Variants in CHL1 observed in about 807,000 individuals in gnomAD.
CHL1 encodes the protein cell adhesion molecule L1 like.
A neutral mutation model predicts 141.9 loss-of-function variants in CHL1; 96 were observed. The ratio of observed to expected loss-of-function variants is 0.68; its 90% CI spans 0.57 to 0.80. The LOEUF (loss-of-function observed/expected upper bound fraction) is 0.80, where lower values mean the gene tolerates loss of function less well. Ranked by LOEUF, CHL1 falls within the 30% of genes least tolerant of loss-of-function variation. The probability of loss-of-function intolerance (pLI) is 0.00; values close to 1 mark genes in which losing one functional copy is unlikely to be tolerated. For missense variants in CHL1, 1,820 were observed against 1,457.2 expected, an observed-to-expected ratio of 1.25 and a Z score of -4.05; for synonymous variants, 613 against 502.2, an observed-to-expected ratio of 1.22 and a Z score of -2.95.
At chr3:204,428 G>A (rs1012499275) in intron 1 of CHL1, among the ~76,000 whole-genome samples, 3 of 152,326 alleles carry the variant, frequency 2.0e-5, no homozygotes, top group Admixed American at 6.5e-5. Flanking sequence ...GAACAAGGAC[G>A]ATGAAGGAAT....
chr3:339,811 C>T (rs1349805319), intron 5 of CHL1, among the ~76,000 whole-genome samples: 1 of 152,022 alleles, frequency 6.6e-6, no homozygotes, highest in Non-Finnish European at 1.5e-5. Context: ...TTTATATTTC[C>T]AAGAACAATG....
chr3:391,324 T>C (rs1708212364), intron 22 of CHL1, among the ~76,000 whole-genome samples, 165 bp downstream of exon 22: 1 of 152,172 alleles, frequency 6.6e-6, no homozygotes, highest in East Asian at 1.9e-4. Context: ...CAAACCAGCT[T>C]GGCCAACATG....
intron 1 of CHL1, among the ~76,000 whole-genome samples, chr3:214,427 G>A (rs57199434): frequency 0.023 from 3,471 of 152,248 alleles, 126 homozygotes; most frequent in African/African-American, 0.078. Flanking sequence ...TTGTATTCAT[G>A]TAACCTTCCT....
In CHL1 at chr3:370,072, T is replaced by A. The variant is rs531527373; in HGVS notation, c.1751+3957T>A. Among the ~76,000 whole-genome samples, 5 of 152,318 alleles carry A rather than the reference T, an allele frequency of 3.3e-5. No homozygotes were observed. In the East Asian group the frequency reaches 9.6e-4, roughly 29 times the overall value. ...GCCTGAATGTTCCTTTTTTTGTGTG[T>A]CTCTTCCTGGTTTTGGTATCAGGAT... On this transcript the variant is annotated intron_variant, in intron 15 of 27. Transcript: ENST00000256509.
chr3:238,963 C>CTT (rs10676333), intron 1 of CHL1, among the ~76,000 whole-genome samples: 11,571 of 148,880 alleles, frequency 0.078, 493 homozygotes, highest in Middle Eastern at 0.11. Context: ...AACAAAAAAT[C>CTT]TTTTTTTTTT....
At chr3:380,828 T>C (rs1160770620) in intron 16 of CHL1, among the ~76,000 whole-genome samples, 1 of 152,202 alleles carries the variant, frequency 6.6e-6, no homozygotes, top group African/African-American at 2.4e-5. Flanking sequence ...ATTATACACA[T>C]GATTGAAGTA....
intron 4 of CHL1, 69 bp downstream of exon 4, chr3:326,133 C>A (rs1394495618): frequency 1.2e-6 from 1 of 869,516 alleles, no homozygotes; most frequent in Non-Finnish European, 1.8e-6. Flanking sequence ...TTTACTCTTA[C>A]CATCACAAGC....
intron 9 of CHL1, among the ~76,000 whole-genome samples, chr3:348,865 C>G (rs549104413): frequency 6.6e-5 from 10 of 152,280 alleles, no homozygotes; most frequent in South Asian, 4.1e-4. Context: ...CGCAGGAGCC[C>G]CATTCTCCAT....
rs1373936054 is a variant in CHL1 at position 253,648 on chromosome 3, C to A, written c.-95+8956C>A. Among the ~76,000 whole-genome samples the A allele has an allele frequency of 3.9e-5, 6 of 152,172 alleles. No individual in the cohort carries two copies. In the South Asian group the frequency reaches 1.2e-3, roughly 31 times the overall value. On this transcript the variant is annotated intron_variant, in intron 2 of 27. Coordinates refer to ENST00000256509, the MANE Select transcript of CHL1 (RefSeq NM_006614.4). ...TCAAGTTAACATGTATTACTCACAA[C>A]AGTATCTTAATACTTATTTATTTAT...
At chr3:198,916 G>A (rs1443019163) in intron 1 of CHL1, among the ~76,000 whole-genome samples, 5 of 152,232 alleles carry the variant, frequency 3.3e-5, no homozygotes, top group African/African-American at 9.6e-5. Context: ...TGGCTTTTCA[G>A]TATATTGATG....
In CHL1 at chr3:319,795, G is replaced by C. The variant is rs1700418298; in HGVS notation, c.19G>C (p.Gly7Arg). 6.3e-6 allele frequency: 10 copies of C among 1,599,060 alleles called. No homozygotes were observed. The highest frequency in any genetic ancestry group is 1.3e-5 in the African/African-American group (1 of 74,262). MEPLLL[G>R]RGLIVYLMFL... ...AAGAGCAATGGAGCCGCTTTTACTT[G>C]GAAGAGGACTAATCGTATATCTAAT... Residue 7 changes from glycine to arginine, a missense_variant, in exon 3 of 28, where the codon GGA becomes CGA. Gly to Arg is a moderately radical substitution (Grantham distance 125). Coordinates refer to ENST00000256509, the MANE Select transcript of CHL1 (RefSeq NM_006614.4).
intron 2 of CHL1, among the ~76,000 whole-genome samples, chr3:287,965 AC>A (rs1697321834): frequency 6.6e-6 from 1 of 152,004 alleles, no homozygotes; most frequent in South Asian, 2.1e-4. Flanking sequence ...ATGGGGTTTT[AC>A]CCTGTTGGCC....
chr3:389,201 T>A (rs1205500349), intron 19 of CHL1, 51 bp from the exon 20 acceptor site: 3 of 1,456,544 alleles, frequency 2.1e-6, no homozygotes, highest in Admixed American at 2.0e-5. Flanking sequence ...CCATCATCTC[T>A]GAGTCAACAC....
intron 2 of CHL1, among the ~76,000 whole-genome samples, chr3:272,740 C>G (rs1438461552): frequency 6.6e-6 from 1 of 152,188 alleles, no homozygotes; most frequent in Non-Finnish European, 1.5e-5. Flanking sequence ...CAAAGATGAT[C>G]ATAAAGATGA....
intron 1 of CHL1, among the ~76,000 whole-genome samples, chr3:243,984 C>T (rs1173802336): frequency 6.6e-6 from 1 of 152,140 alleles, no homozygotes; most frequent in African/African-American, 2.4e-5. Flanking sequence ...AGATTGGGAG[C>T]CAATCCTTGA....
At chr3:381,891 G>C (rs1447183939) in intron 16 of CHL1, among the ~76,000 whole-genome samples, 3 of 152,066 alleles carry the variant, frequency 2.0e-5, no homozygotes, top group Non-Finnish European at 4.4e-5. Flanking sequence ...GTTTCTATAG[G>C]AGAACCAAAC....
At chr3:405,244 G>C (rs1709449631) in intron 27 of CHL1, among the ~76,000 whole-genome samples, 1 of 152,140 alleles carries the variant, frequency 6.6e-6, no homozygotes, top group Non-Finnish European at 1.5e-5. Flanking sequence ...ATTTTAAAGA[G>C]AAGCACAAAT....
intron 2 of CHL1, among the ~76,000 whole-genome samples, chr3:263,294 C>A (rs1694888889): frequency 6.6e-6 from 1 of 151,296 alleles, no homozygotes; most frequent in Admixed American, 6.6e-5. Context: ...GGTATAGGTA[C>A]ATTAAGAGTT....
intron 2 of CHL1, among the ~76,000 whole-genome samples, chr3:252,675 A>C (rs193071): frequency 0.51 from 76,655 of 151,352 alleles, 20,164 homozygotes; most frequent in South Asian, 0.67. Flanking sequence ...CAAGGTAAGG[A>C]AGAACCTACC....
Sources: allele counts gnomAD v4.1 joint callset (sites outside exome capture counted in the v4.1 genomes callset), GRCh38; gene constraint gnomAD v4.1.1; transcripts MANE v1.5; gene names NCBI Gene and HGNC (gene_info 2026-07-23, HGNC 2026-07-21).